CNTNAP2: variants seen among roughly 807,000 people sequenced by gnomAD.
CNTNAP2 encodes contactin-associated protein-like 2.
CNTNAP2 carries 98 observed loss-of-function variants against 155.2 expected under a neutral mutation model. The ratio of observed to expected loss-of-function variants is 0.63; its 90% CI spans 0.54 to 0.75. CNTNAP2 has a LOEUF of 0.75. Among genes scored for constraint, CNTNAP2 ranks in the 30% least tolerant of loss-of-function variants. The pLI, the probability that CNTNAP2 is intolerant of heterozygous loss-of-function variation, is 0.00. For synonymous variants in CNTNAP2, 651 were observed against 631.2 expected, an observed-to-expected ratio of 1.03 and a Z score of -0.47; for missense variants, 1,727 against 1,688.1, an observed-to-expected ratio of 1.02 and a Z score of -0.40.
chr7:147,931,138 G>C (rs1800494600), intron 14 of CNTNAP2, among the ~76,000 whole-genome samples: 1 of 150,314 alleles, frequency 6.7e-6, no homozygotes, highest in African/African-American at 2.5e-5. Flanking sequence ...ACTAGAAAAA[G>C]GAAAACAAAC....
chr7:146,273,318 ATAAC>A (rs1271487972), intron 1 of CNTNAP2, among the ~76,000 whole-genome samples: 1 of 152,124 alleles, frequency 6.6e-6, no homozygotes, highest in Admixed American at 6.6e-5. Flanking sequence ...ATTCACAACT[ATAAC>A]TAGGCCAAGT....
At chr7:146,659,168 G>C (rs1197753064) in intron 1 of CNTNAP2, among the ~76,000 whole-genome samples, 1 of 152,180 alleles carries the variant, frequency 6.6e-6, no homozygotes, top group Non-Finnish European at 1.5e-5. Context: ...TATTCTCAGT[G>C]ATTAAAGAAA....
At chr7:147,077,029 T>C (rs1009962817) in intron 4 of CNTNAP2, among the ~76,000 whole-genome samples, 1 of 152,130 alleles carries the variant, frequency 6.6e-6, no homozygotes. Flanking sequence ...ACAGATACTA[T>C]GGTATTAGAT....
chr7:146,803,030 T>C (rs375454913), intron 2 of CNTNAP2, among the ~76,000 whole-genome samples: 1 of 151,892 alleles, frequency 6.6e-6, no homozygotes, highest in Admixed American at 6.6e-5. Context: ...AGGTAAAAAA[T>C]AAATAAATAA....
intron 10 of CNTNAP2, among the ~76,000 whole-genome samples, chr7:147,472,737 T>G (rs1046250532): frequency 1.3e-5 from 2 of 152,152 alleles, no homozygotes; most frequent in Non-Finnish European, 2.9e-5. Context: ...TAATGATTGA[T>G]GCAGAAGTGA....
At chr7:148,148,923 A>T (rs1479497189) in intron 17 of CNTNAP2, among the ~76,000 whole-genome samples, 1 of 152,208 alleles carries the variant, frequency 6.6e-6, no homozygotes, top group Non-Finnish European at 1.5e-5. Context: ...CCCTTTCCAA[A>T]TCCTTCCCTC....
At chr7:147,479,367 T>C (rs1364829812) in intron 10 of CNTNAP2, among the ~76,000 whole-genome samples, 2 of 152,244 alleles carry the variant, frequency 1.3e-5, no homozygotes, top group East Asian at 1.9e-4. Context: ...AATGAAACTT[T>C]CTTTATTCTT....
chr7:147,239,510 CAAAAAA>C (rs74785209), intron 8 of CNTNAP2, among the ~76,000 whole-genome samples: 4 of 74,920 alleles, frequency 5.3e-5, no homozygotes, highest in Non-Finnish European at 8.7e-5. Context: ...ACTCCGTTTC[CAAAAAA>C]AAAAAAAAAA....
At chr7:148,292,352 G>T (rs2116482712) in intron 21 of CNTNAP2, among the ~76,000 whole-genome samples, 1 of 152,284 alleles carries the variant, frequency 6.6e-6, no homozygotes, top group Admixed American at 6.5e-5. Flanking sequence ...ATTAATTATG[G>T]ACGTAATGTA....
intron 1 of CNTNAP2, among the ~76,000 whole-genome samples, chr7:146,154,563 G>A (rs964688317): frequency 1.3e-5 from 2 of 152,172 alleles, no homozygotes; most frequent in African/African-American, 2.4e-5. Flanking sequence ...AATTTTGACA[G>A]TACTCATTAG....
chr7:146,136,427 A>C (rs1310476189), intron 1 of CNTNAP2, among the ~76,000 whole-genome samples: 2 of 152,140 alleles, frequency 1.3e-5, no homozygotes, highest in Non-Finnish European at 2.9e-5. Context: ...TTTATATCTT[A>C]AGTTATCTTC....
chr7:146,561,844 C>T (rs917727460), intron 1 of CNTNAP2, among the ~76,000 whole-genome samples: 1 of 152,064 alleles, frequency 6.6e-6, no homozygotes, highest in African/African-American at 2.4e-5. Flanking sequence ...GGTCATAATA[C>T]AGTGATGCAA....
At chr7:146,640,596 C>T (rs78110847) in intron 1 of CNTNAP2, among the ~76,000 whole-genome samples, 6,441 of 152,192 alleles carry the variant, frequency 0.042, 205 homozygotes, top group Middle Eastern at 0.075. Context: ...TTGGAGACTT[C>T]GATTTGATTG....
chr7:147,790,040 T>C (rs762860523), intron 13 of CNTNAP2, among the ~76,000 whole-genome samples: 12 of 152,194 alleles, frequency 7.9e-5, no homozygotes, highest in Admixed American at 1.3e-4. Context: ...TTTTCATATA[T>C]ACATATATCC....
chr7:148,331,594 A>ATGGACGGATGGAGTGGATGGATGGAG (rs1798014983), intron 21 of CNTNAP2, among the ~76,000 whole-genome samples: 3 of 10,684 alleles, frequency 2.8e-4, no homozygotes, highest in African/African-American at 4.4e-4. Flanking sequence ...GATGGATGGA[A>ATGGACGGATGGAGTGGATGGATGGAG]TGGATGGATG....
At chr7:147,193,517 G>A (rs1802722265) in intron 8 of CNTNAP2, among the ~76,000 whole-genome samples, 1 of 152,158 alleles carries the variant, frequency 6.6e-6, no homozygotes, top group African/African-American at 2.4e-5. Flanking sequence ...TGAAACAACA[G>A]ATAACTAAAC....
chr7:147,872,798 G>C (rs1799350206), intron 13 of CNTNAP2, among the ~76,000 whole-genome samples: 1 of 152,102 alleles, frequency 6.6e-6, no homozygotes, highest in South Asian at 2.1e-4. Context: ...CAAGTATCAA[G>C]TATCCTTCTC....
At chr7:147,857,488 C>T (rs1389415300) in intron 13 of CNTNAP2, among the ~76,000 whole-genome samples, 2 of 152,144 alleles carry the variant, frequency 1.3e-5, no homozygotes, top group Non-Finnish European at 2.9e-5. Flanking sequence ...ACTCTAAAAT[C>T]TCACCAATTG....
At chr7:147,592,719 A>G (rs1800761770) in intron 12 of CNTNAP2, among the ~76,000 whole-genome samples, 1 of 152,234 alleles carries the variant, frequency 6.6e-6, no homozygotes, top group Non-Finnish European at 1.5e-5. Context: ...CACGACAAGA[A>G]CAAAAAAATG....
Sources: gnomAD v4.1 joint callset for allele counts (sites outside exome capture counted in the v4.1 genomes callset) on GRCh38, gnomAD v4.1.1 for gene constraint, MANE v1.5 for transcripts, NCBI Gene and HGNC (gene_info 2026-07-23, HGNC 2026-07-21) for gene names.